The following PTPRT variants were observed in gnomAD, a reference collection of about 807,000 sequenced individuals.
The protein encoded by PTPRT is receptor-type tyrosine-protein phosphatase T.
In PTPRT, 56 loss-of-function variants were observed where a neutral mutation model predicts 176.8. The observed-to-expected ratio is 0.32, with a 90% CI of 0.26 to 0.40. PTPRT has a LOEUF of 0.40. PTPRT is among the 10% of genes least tolerant of loss of function. The pLI is 1.00. For synonymous variants in PTPRT, 783 were observed against 739.0 expected (o/e 1.06, Z -0.96); for missense variants, 1,540 against 1,908.2 (o/e 0.81, Z 3.60).
intron 1 of PTPRT, among the ~76,000 whole-genome samples, chr20:43,169,066 C>G (rs568420224): frequency 1.3e-5 from 2 of 152,296 alleles, no homozygotes; most frequent in East Asian, 3.9e-4. Flanking sequence ...ACCTAAAAAG[C>G]AGGTTTCAGG....
chr20:42,076,852 G>C lies in PTPRT; in HGVS notation c.*4027C>G, dbSNP rs1240405623. On this transcript the variant is annotated 3_prime_UTR_variant, in exon 31 of 31. Transcript: ENST00000373187. The stretch of plus-strand genomic sequence containing the variant: ...ACATGAGACTATGAAGGAATTTTAA[G>C]CTTACTGTTGTTTGCTTTGAGCTTT... 5.0e-6 allele frequency: 1 copy of C among 201,772 alleles called. No individual in the cohort carries two copies. Among genetic ancestry groups the C allele is most frequent in the African/African-American group, 2.3e-5 (1 of 43,576 alleles). 12.5% of individuals were successfully genotyped at this position (201,772 alleles called of 1,614,324 possible).
chr20:42,922,370 A>G (rs1278695377), intron 1 of PTPRT, among the ~76,000 whole-genome samples: 5 of 152,172 alleles, frequency 3.3e-5, no homozygotes, highest in Non-Finnish European at 5.9e-5. Context: ...TAAGCCCACA[A>G]CTTGAAATAG....
At chr20:42,191,303 G>T (rs182999078) in intron 16 of PTPRT, among the ~76,000 whole-genome samples, 55 of 152,302 alleles carry the variant, frequency 3.6e-4, no homozygotes, top group Admixed American at 7.2e-4. Context: ...GACTGAGGCA[G>T]CCCTAGCTGG....
At chr20:42,034,693 T>C in the PTPRT span, among the ~76,000 whole-genome samples, 2 of 152,172 alleles carry the variant, frequency 1.3e-5, no homozygotes, top group African/African-American at 2.4e-5. Context: ...GTGTGTGGTG[T>C]GTGTGTTAAC....
chr20:42,077,233 A>G lies in PTPRT; in HGVS notation c.*3646T>C, dbSNP rs45474194. The G allele has an allele frequency of 0.26, 48,529 of 186,350 alleles. 6,734 individuals carry two copies. The highest frequency in any genetic ancestry group is 0.29 in the Non-Finnish European group (25,456 of 88,292). The allele number at this position is 186,350 out of a possible 1,614,324, so 11.5% of individuals were successfully genotyped here. A position where few individuals can be genotyped will look rare whatever the true frequency, so the allele number is the denominator to read the frequency against. Reference sequence around the variant, plus strand: ...ACTGTCCCCTTCCATTCCCACAAAGAGAGGCCTACTGTGGCCTTCTAGAGG... The same window carrying G: ...ACTGTCCCCTTCCATTCCCACAAAGGGAGGCCTACTGTGGCCTTCTAGAGG... On this transcript the variant is annotated 3_prime_UTR_variant, in exon 31 of 31. Coordinates refer to ENST00000373187, the MANE Select transcript of PTPRT (RefSeq NM_007050.6).
chr20:42,978,088 T>A (rs1983054920), intron 1 of PTPRT, among the ~76,000 whole-genome samples: 1 of 152,086 alleles, frequency 6.6e-6, no homozygotes, highest in Non-Finnish European at 1.5e-5. Context: ...CTAAACAAGA[T>A]CTCCAGTGGA....
At chr20:42,890,486 C>T (rs779180182) in intron 1 of PTPRT, among the ~76,000 whole-genome samples, 1 of 152,110 alleles carries the variant, frequency 6.6e-6, no homozygotes, top group Non-Finnish European at 1.5e-5. Context: ...CCACTTGTAA[C>T]ATTTAAGAAA....
chr20:42,404,485 C>T (rs993931971), intron 9 of PTPRT, among the ~76,000 whole-genome samples: 1 of 152,110 alleles, frequency 6.6e-6, no homozygotes, highest in Non-Finnish European at 1.5e-5. Flanking sequence ...TCTATTCTTA[C>T]AGCATCAAAT....
At chr20:42,346,724 G>T (rs906012460) in intron 11 of PTPRT, among the ~76,000 whole-genome samples, 1 of 152,194 alleles carries the variant, frequency 6.6e-6, no homozygotes, top group South Asian at 2.1e-4. Flanking sequence ...CAAAGCAGGG[G>T]CTAGAGTTTG....
chr20:43,007,421 C>A (rs899141068), intron 1 of PTPRT, among the ~76,000 whole-genome samples: 6 of 152,194 alleles, frequency 3.9e-5, no homozygotes, highest in African/African-American at 1.4e-4. Flanking sequence ...TTTTTGCCTT[C>A]ATGCGTTATT....
chr20:42,274,970 G>T (rs1208846459), intron 13 of PTPRT, among the ~76,000 whole-genome samples: 1 of 152,170 alleles, frequency 6.6e-6, no homozygotes, highest in Non-Finnish European at 1.5e-5. Context: ...AATCTCATCT[G>T]TCTATAGTAT....
chr20:42,039,389 A>G, the PTPRT span, among the ~76,000 whole-genome samples: 744 of 152,208 alleles, frequency 4.9e-3, 6 homozygotes, highest in Non-Finnish European at 8.6e-3. Flanking sequence ...ATATGTTATT[A>G]GCTGTAGTCT....
the PTPRT span, chr20:42,063,464 A>G: frequency 1.3e-5 from 2 of 152,114 alleles, no homozygotes; most frequent in Admixed American, 1.3e-4. Flanking sequence ...AGATGGATTC[A>G]CCTCCGAGGA....
chr20:42,983,688 T>C (rs889517940), intron 1 of PTPRT, among the ~76,000 whole-genome samples: 1 of 152,198 alleles, frequency 6.6e-6, no homozygotes, highest in Non-Finnish European at 1.5e-5. Context: ...CACAACCCAC[T>C]AGAAATGAGA....
intron 11 of PTPRT, among the ~76,000 whole-genome samples, chr20:42,322,753 G>T (rs62208721): frequency 4.0e-5 from 6 of 151,866 alleles, no homozygotes; most frequent in South Asian, 2.1e-4. Flanking sequence ...GCCAAAATTG[G>T]CAAATGGGAT....
At chr20:42,104,460 A>C in intron 25 of PTPRT, 109 bp downstream of exon 25, 1 of 1,269,122 alleles carries the variant, frequency 7.9e-7, no homozygotes, top group Admixed American at 2.5e-5. Context: ...CTCAGCCTCC[A>C]GAAATGTAAT....
chr20:43,083,339 T>TGTATATATAC (rs1568773973), intron 1 of PTPRT, among the ~76,000 whole-genome samples: 7 of 109,226 alleles, frequency 6.4e-5, no homozygotes, highest in African/African-American at 2.4e-4. Flanking sequence ...TATATATATA[T>TGTATATATAC]ATATATATAT....
At chr20:42,490,631 T>C (rs1277964369) in intron 7 of PTPRT, among the ~76,000 whole-genome samples, 1 of 152,180 alleles carries the variant, frequency 6.6e-6, no homozygotes, top group East Asian at 1.9e-4. Flanking sequence ...AGGATTATCA[T>C]ATCATCTACA....
At chr20:42,772,526 T>C (rs1464523247) in intron 4 of PTPRT, among the ~76,000 whole-genome samples, 3 of 152,158 alleles carry the variant, frequency 2.0e-5, no homozygotes, top group Non-Finnish European at 4.4e-5. Flanking sequence ...TCTCTTTCCT[T>C]TTTTGTGGAG....
Sources: allele counts gnomAD v4.1 joint callset (sites outside exome capture counted in the v4.1 genomes callset), GRCh38; gene constraint gnomAD v4.1.1; transcripts MANE v1.5; gene names NCBI Gene and HGNC (gene_info 2026-07-23, HGNC 2026-07-21).